The following DOCK1 variants were observed in gnomAD, a reference collection of about 807,000 sequenced individuals.
DOCK1 encodes dedicator of cytokinesis 1.
In DOCK1, 138 loss-of-function variants were observed where a neutral mutation model predicts 262.7. That is an observed-to-expected ratio of 0.53 (90% CI 0.46 to 0.61). DOCK1 has a LOEUF of 0.61. Ranked by LOEUF, DOCK1 falls within the 20% of genes least tolerant of loss-of-function variation. The pLI, the probability that DOCK1 is intolerant of heterozygous loss-of-function variation, is 0.00. For missense variants in DOCK1, 1,908 were observed against 2,370.7 expected (o/e 0.80, Z 4.05); for synonymous variants, 866 against 867.4 (o/e 1.00, Z 0.03).
At chr10:126,978,639 C>G (rs573431985) in intron 3 of DOCK1, among the ~76,000 whole-genome samples, 3 of 152,260 alleles carry the variant, frequency 2.0e-5, no homozygotes, top group Non-Finnish European at 4.4e-5. Context: ...TTGAAGTAAC[C>G]TCTATTCTAA....
Position 127,106,315 on chromosome 10 carries a change from C to A in DOCK1, c.2516+14C>A. ...CAAAGAGCTCAGGTAAGTATGCAGC[C>A]CAGGCGAATGCTTGTCACGTGCCGT... On this transcript the variant is annotated intron_variant, in intron 24 of 51. Coordinates refer to ENST00000623213, the MANE Select transcript of DOCK1 (RefSeq NM_001290223.2). The A allele has an allele frequency of 1.9e-6, 3 of 1,589,218 alleles. No individual in the cohort carries two copies. Among genetic ancestry groups the A allele is most frequent in the Non-Finnish European group, 2.6e-6 (3 of 1,166,346 alleles).
At chr10:127,267,268 T>A (rs1041251487) in intron 29 of DOCK1, among the ~76,000 whole-genome samples, 2 of 152,204 alleles carry the variant, frequency 1.3e-5, no homozygotes, top group Admixed American at 1.3e-4. Flanking sequence ...ATGCTACCTG[T>A]TCGAGTTCTG....
At chr10:126,957,472 T>G (rs2036842705) in intron 1 of DOCK1, among the ~76,000 whole-genome samples, 1 of 152,124 alleles carries the variant, frequency 6.6e-6, no homozygotes, top group African/African-American at 2.4e-5. Context: ...CCAGCCTTAT[T>G]TATTTATTTA....
rs551866204 is a variant in DOCK1, at chr10:126,997,014, C to T, written c.609+131C>T. 4 of 1,070,350 alleles carry T rather than the reference C, an allele frequency of 3.7e-6. No individual in the cohort carries two copies. The South Asian group carries it at 6.0e-5, about 16-fold the overall frequency. The allele number at this position is 1,070,350 out of a possible 1,614,324, so 66.3% of individuals were successfully genotyped here. A position where few individuals can be genotyped will look rare whatever the true frequency, so the allele number is the denominator to read the frequency against. On this transcript the variant is annotated intron_variant, in intron 7 of 51. Coordinates refer to ENST00000623213, the MANE Select transcript of DOCK1 (RefSeq NM_001290223.2). ...AAAGGAGTAGCTGCAGAGTTTGTGT[C>T]CTACAGTCATGAGTGGAATGGAGCC...
chr10:127,341,592 G>A (rs2063427918), intron 30 of DOCK1, among the ~76,000 whole-genome samples: 1 of 152,096 alleles, frequency 6.6e-6, no homozygotes, highest in South Asian at 2.1e-4. Context: ...TTTTTTTCTA[G>A]GTCAGGTCTC....
Position 127,175,274 on chromosome 10 carries a change from T to G in DOCK1, c.2847+47510T>G. On this transcript the variant is annotated intron_variant, in intron 27 of 51. Transcript: ENST00000623213. The surrounding 1 kb of genome is among the most constrained non-coding windows in gnomAD (Gnocchi z 6.3). Reference sequence around the variant, plus strand: ...TGACCCCCAAGAGCACTTTGATGGTTTCTTGGCTTGAACTGATCAAGTTCT... The same window carrying G: ...TGACCCCCAAGAGCACTTTGATGGTGTCTTGGCTTGAACTGATCAAGTTCT... The G allele has an allele frequency of 6.2e-7, 1 of 1,614,088 alleles. No individual in the cohort carries two copies.
intron 1 of DOCK1, among the ~76,000 whole-genome samples, chr10:126,911,614 G>C (rs2031774752): frequency 6.6e-6 from 1 of 152,140 alleles, no homozygotes; most frequent in Non-Finnish European, 1.5e-5. Context: ...GTCAGAGTTT[G>C]AGTTTTAGCC....
chr10:127,259,891 C>T (rs2059962048), intron 29 of DOCK1, among the ~76,000 whole-genome samples: 1 of 151,878 alleles, frequency 6.6e-6, no homozygotes, highest in Non-Finnish European at 1.5e-5. Flanking sequence ...CTGCCGCCAA[C>T]CCTGCGCTAC....
chr10:126,942,589 ACGAGCCAGCCCCGAGGGAGC>A (rs1188773641), intron 1 of DOCK1, among the ~76,000 whole-genome samples: 31 of 152,100 alleles, frequency 2.0e-4, no homozygotes, highest in South Asian at 1.5e-3. Context: ...CCTTAATGGA[ACGAGCCAGCCCCGAGGGAGC>A]CGAGCCAGCC....
At chr10:127,264,894 C>T (rs757758087) in intron 29 of DOCK1, among the ~76,000 whole-genome samples, 40 of 152,158 alleles carry the variant, frequency 2.6e-4, no homozygotes, top group Non-Finnish European at 4.9e-4. Context: ...GTCTCGAACT[C>T]CTGGGCTCAA....
intron 24 of DOCK1, among the ~76,000 whole-genome samples, chr10:127,108,071 A>G (rs1592056500): frequency 2.6e-5 from 4 of 152,352 alleles, no homozygotes; most frequent in Admixed American, 2.6e-4. Flanking sequence ...GGCCTCTCTC[A>G]GATTTGTGCA....
intron 22 of DOCK1, among the ~76,000 whole-genome samples, chr10:127,056,108 C>T (rs1194651575): frequency 6.6e-6 from 1 of 152,126 alleles, no homozygotes; most frequent in East Asian, 1.9e-4. Flanking sequence ...CTCCCTAAGC[C>T]TCTGAGGCCA....
At chr10:126,998,034 A>T in intron 7 of DOCK1, 58 bp from the exon 8 acceptor site, 1 of 1,597,092 alleles carries the variant, frequency 6.3e-7, no homozygotes, top group Non-Finnish European at 8.5e-7. Context: ...GAATAAAGAA[A>T]GCAAGTGTCA....
At chr10:127,165,165 A>AT (rs1447133792) in intron 27 of DOCK1, among the ~76,000 whole-genome samples, 2 of 152,112 alleles carry the variant, frequency 1.3e-5, no homozygotes, top group Non-Finnish European at 2.9e-5. Context: ...TAATGTTGTC[A>AT]TTTTTTGCCA....
intron 4 of DOCK1, among the ~76,000 whole-genome samples, chr10:126,983,292 C>T (rs1324655930): frequency 6.6e-6 from 1 of 152,182 alleles, no homozygotes; most frequent in Non-Finnish European, 1.5e-5. Flanking sequence ...CCCTGAAGAA[C>T]CCCGGCCTTC....
At chr10:127,181,720 G>T (rs117968350) in intron 27 of DOCK1, among the ~76,000 whole-genome samples, 1 of 152,102 alleles carries the variant, frequency 6.6e-6, no homozygotes, top group Non-Finnish European at 1.5e-5. Flanking sequence ...TGGTGAAAAT[G>T]AACATCCCAT....
intron 27 of DOCK1, among the ~76,000 whole-genome samples, chr10:127,179,430 A>T (rs930012846): frequency 6.6e-6 from 1 of 152,230 alleles, no homozygotes; most frequent in Non-Finnish European, 1.5e-5. Context: ...TTGCTGACTT[A>T]AAAAACAGTA....
intron 29 of DOCK1, among the ~76,000 whole-genome samples, chr10:127,282,810 A>G (rs908256281): frequency 1.3e-5 from 2 of 152,232 alleles, no homozygotes; most frequent in Non-Finnish European, 2.9e-5. Context: ...ACCAGTTGTC[A>G]TTTCTTAGTG....
At chr10:126,949,045 C>T (rs2035919948) in intron 1 of DOCK1, among the ~76,000 whole-genome samples, 3 of 152,278 alleles carry the variant, frequency 2.0e-5, no homozygotes, top group South Asian at 4.1e-4. Flanking sequence ...CCCTGGCCAC[C>T]CTTCGGGATC....
Sources: gnomAD v4.1 joint callset for allele counts (sites outside exome capture counted in the v4.1 genomes callset) on GRCh38, gnomAD v4.1.1 for gene constraint, Gnocchi (gnomAD v3.1) non-coding constraint, MANE v1.5 for transcripts, NCBI Gene and HGNC (gene_info 2026-07-23, HGNC 2026-07-21) for gene names.